The following LRRC4C variants were observed in gnomAD, a reference collection of about 807,000 sequenced individuals.
LRRC4C encodes the protein leucine rich repeat containing 4C.
LRRC4C carries 5 observed loss-of-function variants against 33.6 expected under a neutral mutation model. The observed-to-expected ratio is 0.15, with a 90% CI of 0.08 to 0.31. The LOEUF (loss-of-function observed/expected upper bound fraction) is 0.31. LRRC4C is among the 10% of genes least tolerant of loss of function. The pLI is 1.00. For synonymous variants in LRRC4C, 329 were observed against 302.0 expected, an observed-to-expected ratio of 1.09 and a Z score of -0.93; for missense variants, 560 against 796.7, an observed-to-expected ratio of 0.70 and a Z score of 3.58.
At chr11:41,215,078 A>G (rs1192665359) in intron 1 of LRRC4C, among the ~76,000 whole-genome samples, 2 of 149,648 alleles carry the variant, frequency 1.3e-5, no homozygotes, top group Non-Finnish European at 3.0e-5. Context: ...TATAATTTAT[A>G]TGCAAAAAAA....
chr11:40,855,056 T>C lies in LRRC4C; in HGVS notation c.-407+78579A>G, dbSNP rs151255024. 1.9e-3 allele frequency among the ~76,000 whole-genome samples: 291 copies of C among 152,270 alleles called. 2 individuals are homozygous for C. The highest frequency in any genetic ancestry group is 6.8e-3 in the African/African-American group (283 of 41,564). ...TATTTTTAATAGCTGATACTTCCAT[T>C]TCTCTGTTCAAAATGATTGTCAGAA... On this transcript the variant is annotated intron_variant, in intron 2 of 6. Coordinates refer to ENST00000528697, the MANE Select transcript of LRRC4C (RefSeq NM_001258419.2).
intron 2 of LRRC4C, among the ~76,000 whole-genome samples, chr11:40,726,263 GA>G (rs1564980949): frequency 6.6e-6 from 1 of 151,566 alleles, no homozygotes; most frequent in Non-Finnish European, 1.5e-5. Flanking sequence ...AACTATTCCA[GA>G]AAAATCAAGG....
chr11:40,265,727 C>T (rs1942202774), intron 4 of LRRC4C, among the ~76,000 whole-genome samples: 1 of 152,142 alleles, frequency 6.6e-6, no homozygotes, highest in Non-Finnish European at 1.5e-5. Context: ...TCAGCTCAGG[C>T]AGACAAGTAT....
At chr11:40,743,387 C>T (rs1565002688) in intron 2 of LRRC4C, among the ~76,000 whole-genome samples, 1 of 151,940 alleles carries the variant, frequency 6.6e-6, no homozygotes, top group Non-Finnish European at 1.5e-5. Flanking sequence ...TATTATGGGA[C>T]AGTTCTCAAG....
chr11:40,860,206 G>A (rs947697004), intron 2 of LRRC4C, among the ~76,000 whole-genome samples: 5 of 152,086 alleles, frequency 3.3e-5, no homozygotes, highest in African/African-American at 1.2e-4. Context: ...CATTTGTATG[G>A]AATATCAGAA....
At chr11:40,401,870 C>T (rs1450973364) in intron 3 of LRRC4C, among the ~76,000 whole-genome samples, 18 of 151,982 alleles carry the variant, frequency 1.2e-4, no homozygotes. Context: ...TGTATGTGTA[C>T]TTTTCATGTT....
intron 3 of LRRC4C, among the ~76,000 whole-genome samples, chr11:40,609,946 T>C (rs2135874501): frequency 6.6e-6 from 1 of 152,092 alleles, no homozygotes; most frequent in East Asian, 1.9e-4. Context: ...GCTTCACTGG[T>C]GAATTCTACC....
chr11:40,373,525 GA>G (rs1020505287), intron 3 of LRRC4C, among the ~76,000 whole-genome samples: 3 of 151,970 alleles, frequency 2.0e-5, no homozygotes, highest in Non-Finnish European at 2.9e-5. Flanking sequence ...CTTTCTAAAT[GA>G]AAAAAAGTCC....
intron 3 of LRRC4C, among the ~76,000 whole-genome samples, chr11:40,619,791 T>C (rs1565566833): frequency 6.6e-6 from 1 of 151,454 alleles, no homozygotes; most frequent in Non-Finnish European, 1.5e-5. Context: ...CCCACGATAA[T>C]TCAGTAACTC....
intron 4 of LRRC4C, among the ~76,000 whole-genome samples, chr11:40,318,139 T>C (rs1945667758): frequency 6.6e-6 from 1 of 152,120 alleles, no homozygotes; most frequent in African/African-American, 2.4e-5. Context: ...ATATCAAATA[T>C]AGATATCACC....
intron 1 of LRRC4C, among the ~76,000 whole-genome samples, chr11:41,272,242 T>G (rs1438643308): frequency 6.6e-6 from 1 of 152,078 alleles, no homozygotes; most frequent in Non-Finnish European, 1.5e-5. Flanking sequence ...TCTGTGAAGT[T>G]GGGGTGGGGG....
intron 2 of LRRC4C, among the ~76,000 whole-genome samples, chr11:40,780,642 C>A (rs968320879): frequency 6.6e-6 from 1 of 152,030 alleles, no homozygotes; most frequent in Non-Finnish European, 1.5e-5. Context: ...ATCACCAAAG[C>A]CCTGTTCCTA....
chr11:41,127,326 T>C (rs1325728948), intron 1 of LRRC4C, among the ~76,000 whole-genome samples: 2 of 151,790 alleles, frequency 1.3e-5, no homozygotes, highest in South Asian at 2.1e-4. Flanking sequence ...TAATTCAAAC[T>C]CCTTACTTCT....
intron 2 of LRRC4C, among the ~76,000 whole-genome samples, chr11:40,904,328 A>G (rs1191097792): frequency 5.6e-5 from 8 of 143,032 alleles, no homozygotes; most frequent in Non-Finnish European, 1.1e-4. Context: ...GACTAAACCC[A>G]ATCTACACAG....
At chr11:40,728,625 CA>C (rs60355454) in intron 2 of LRRC4C, among the ~76,000 whole-genome samples, 577 of 51,262 alleles carry the variant, frequency 0.011, 1 homozygote, top group East Asian at 0.042. Context: ...GACTCCGTCT[CA>C]AAAAAAAAAA....
intron 1 of LRRC4C, among the ~76,000 whole-genome samples, chr11:41,163,361 G>T (rs1249900153): frequency 4.7e-5 from 6 of 128,188 alleles, no homozygotes; most frequent in African/African-American, 1.7e-4. Context: ...TCTGCTCACT[G>T]CAGCCACTTC....
At chr11:40,150,233 A>C (rs1176963069) in intron 5 of LRRC4C, among the ~76,000 whole-genome samples, 2 of 152,170 alleles carry the variant, frequency 1.3e-5, no homozygotes, top group Non-Finnish European at 2.9e-5. Flanking sequence ...AGGATGATCT[A>C]ATCTCAAGAT....
intron 3 of LRRC4C, among the ~76,000 whole-genome samples, chr11:40,634,881 C>T (rs1963819013): frequency 6.6e-6 from 1 of 151,642 alleles, no homozygotes; most frequent in African/African-American, 2.4e-5. Flanking sequence ...CAGAGCAAGA[C>T]ACTGTCTGTG....
intron 1 of LRRC4C, among the ~76,000 whole-genome samples, chr11:41,375,215 T>C (rs1952894270): frequency 6.6e-6 from 1 of 151,908 alleles, no homozygotes; most frequent in African/African-American, 2.4e-5. Flanking sequence ...TGTGACAGGG[T>C]TAAACATTAT....
Sources: gnomAD v4.1 joint callset for allele counts (sites outside exome capture counted in the v4.1 genomes callset) on GRCh38, gnomAD v4.1.1 for gene constraint, MANE v1.5 for transcripts, NCBI Gene and HGNC (gene_info 2026-07-23, HGNC 2026-07-21) for gene names.